C1QTNF7: variants seen among roughly 807,000 people sequenced by gnomAD.
C1QTNF7 encodes the protein C1q and TNF related 7.
C1QTNF7 carries 15 observed loss-of-function variants against 19.6 expected under a neutral mutation model. The observed-to-expected ratio is 0.76, with a 90% CI of 0.51 to 1.18. C1QTNF7 has a LOEUF of 1.18. Among genes scored for constraint, C1QTNF7 ranks in the 50% most tolerant of loss-of-function variants. The probability of loss-of-function intolerance (pLI) is 0.00; values close to 1 mark genes in which losing one functional copy is unlikely to be tolerated. For missense variants in C1QTNF7, 324 were observed against 359.7 expected, an observed-to-expected ratio of 0.90 and a Z score of 0.80; for synonymous variants, 142 against 137.5, an observed-to-expected ratio of 1.03 and a Z score of -0.23.
intron 1 of C1QTNF7, among the ~76,000 whole-genome samples, chr4:15,416,496 T>C (rs1719612239): frequency 6.6e-6 from 1 of 152,204 alleles, no homozygotes; most frequent in Non-Finnish European, 1.5e-5. Context: ...CTGACCATGC[T>C]GACACGTGCA....
chr4:15,382,189 C>T (rs568941299), intron 1 of C1QTNF7, among the ~76,000 whole-genome samples: 2 of 152,280 alleles, frequency 1.3e-5, no homozygotes, highest in African/African-American at 2.4e-5. Flanking sequence ...CTCATCTTAA[C>T]CCGTGAAGCC....
intron 1 of C1QTNF7, among the ~76,000 whole-genome samples, chr4:15,383,135 A>G (rs1002603971): frequency 6.6e-6 from 1 of 152,138 alleles, no homozygotes; most frequent in Non-Finnish European, 1.5e-5. Context: ...CTGTACCCAC[A>G]TGTACTCAGG....
chr4:15,352,611 G>T lies in C1QTNF7; in HGVS notation c.13+12404G>T, dbSNP rs17470482. On this transcript the variant is annotated intron_variant, in intron 1 of 2. Coordinates refer to the C1QTNF7 transcript ENST00000295297. ...TGCAGAAGGGCTTGAGCAAGGTTCA[G>T]ATTGTTTCACAGAGTGCTGGATGGG... Among the ~76,000 whole-genome samples the T allele has an allele frequency of 3.9e-5, 6 of 152,314 alleles. No individual in the cohort carries two copies. In the South Asian group the frequency reaches 1.2e-3, roughly 32 times the overall value.
At chr4:15,421,038 C>T (rs1424570851) in intron 1 of C1QTNF7, among the ~76,000 whole-genome samples, 8 of 151,504 alleles carry the variant, frequency 5.3e-5, no homozygotes, top group Non-Finnish European at 1.2e-4. Context: ...AGCTCTTGAC[C>T]CTGAACTTGG....
chr4:15,398,935 T>C (rs1718886322), intron 1 of C1QTNF7, among the ~76,000 whole-genome samples: 1 of 152,182 alleles, frequency 6.6e-6, no homozygotes. Context: ...GCCTCTCCCC[T>C]GATTCTTCCC....
chr4:15,417,804 C>G (rs965778218), intron 1 of C1QTNF7, among the ~76,000 whole-genome samples: 6 of 152,216 alleles, frequency 3.9e-5, no homozygotes, highest in Admixed American at 6.5e-5. Flanking sequence ...GTGCTGGCAT[C>G]TGCTTCTGGT....
intron 1 of C1QTNF7, among the ~76,000 whole-genome samples, chr4:15,346,468 C>T (rs1311451726): frequency 6.6e-6 from 1 of 152,200 alleles, no homozygotes; most frequent in East Asian, 1.9e-4. Context: ...ACCATATATA[C>T]TATGACAGTA....
At chr4:15,437,155 AC>A (rs1712570612) in intron 2 of C1QTNF7, among the ~76,000 whole-genome samples, 1 of 152,170 alleles carries the variant, frequency 6.6e-6, no homozygotes, top group South Asian at 2.1e-4. Context: ...TCCTATAATA[AC>A]ATCAGGATTA....
At chr4:15,344,693 C>T (rs1447907001) in intron 1 of C1QTNF7, among the ~76,000 whole-genome samples, 1 of 152,192 alleles carries the variant, frequency 6.6e-6, no homozygotes, top group Non-Finnish European at 1.5e-5. Flanking sequence ...TCTTTCATAT[C>T]AAGCAGGCAT....
At chr4:15,360,396 C>T (rs777420890) in intron 1 of C1QTNF7, among the ~76,000 whole-genome samples, 1 of 152,128 alleles carries the variant, frequency 6.6e-6, no homozygotes, top group African/African-American at 2.4e-5. Context: ...CCTTGTTTTA[C>T]GTATGCTTAC....
At chr4:15,427,036 C>G (rs1308079799), upstream of C1QTNF7, among the ~76,000 whole-genome samples, 1 of 152,122 alleles carries the variant, frequency 6.6e-6, no homozygotes, top group Non-Finnish European at 1.5e-5. Flanking sequence ...CCTATGATGG[C>G]ATTAAGATTT....
rs761781512 is a variant in C1QTNF7 at position 15,442,369 on chromosome 4, A to C, written c.440A>C (p.Lys147Thr). The C allele has an allele frequency of 6.2e-7, 1 of 1,614,164 alleles. No individual in the cohort carries two copies. Among genetic ancestry groups the C allele is most frequent in the Non-Finnish European group, 8.5e-7 (1 of 1,180,028 alleles). The change falls in exon 3 of 3, where the codon AAA becomes ACA. Residue 147 changes from lysine to threonine, a missense_variant. By Grantham distance (78) the Lys-to-Thr change is moderately conservative. Coordinates refer to ENST00000444304, the MANE Select transcript of C1QTNF7 (RefSeq NM_031911.5). ...GVCRCGSIVL[K>T]SAFSVGITTS... is the part of the protein sequence containing the mutation. ...TGCAGATGTGGAAGCATCGTGCTCAAATCCGCCTTTTCTGTTGGCATCACA... is the reference window on the plus strand; with the variant it reads ...TGCAGATGTGGAAGCATCGTGCTCACATCCGCCTTTTCTGTTGGCATCACA...
intron 1 of C1QTNF7, among the ~76,000 whole-genome samples, chr4:15,372,150 T>G (rs931705657): frequency 1.3e-5 from 2 of 152,208 alleles, no homozygotes. Flanking sequence ...CGTTCCCTTC[T>G]TTTACTTCCC....
chr4:15,395,301 T>C (rs1046985338), intron 1 of C1QTNF7, among the ~76,000 whole-genome samples: 1 of 152,096 alleles, frequency 6.6e-6, no homozygotes, highest in Non-Finnish European at 1.5e-5. Flanking sequence ...GTGTAAGAAT[T>C]CCATAAAAGA....
chr4:15,402,286 A>G (rs555689478), intron 1 of C1QTNF7, among the ~76,000 whole-genome samples: 12 of 152,350 alleles, frequency 7.9e-5, no homozygotes, highest in Admixed American at 7.2e-4. Context: ...AAGCTATGCT[A>G]TAACTATAAA....
At chr4:15,351,890 T>C (rs1716950970) in intron 1 of C1QTNF7, among the ~76,000 whole-genome samples, 1 of 152,180 alleles carries the variant, frequency 6.6e-6, no homozygotes, top group East Asian at 1.9e-4. Flanking sequence ...GAGTCTACAC[T>C]AATTGTCACT....
At chr4:15,360,931 A>G (rs1168324757) in intron 1 of C1QTNF7, among the ~76,000 whole-genome samples, 1 of 152,178 alleles carries the variant, frequency 6.6e-6, no homozygotes, top group South Asian at 2.1e-4. Context: ...CATGTTAGGT[A>G]GGTTTATATC....
At chr4:15,421,758 T>C (rs1711771491) in intron 1 of C1QTNF7, among the ~76,000 whole-genome samples, 1 of 152,170 alleles carries the variant, frequency 6.6e-6, no homozygotes, top group Non-Finnish European at 1.5e-5. Flanking sequence ...CCTACTTCGC[T>C]AAGTGGTCAG....
At chr4:15,388,892 TGA>T (rs1221551659) in intron 1 of C1QTNF7, among the ~76,000 whole-genome samples, 5 of 152,108 alleles carry the variant, frequency 3.3e-5, no homozygotes, top group African/African-American at 1.2e-4. Context: ...ACAGAGGACA[TGA>T]GATTCACCTC....
Sources: gnomAD v4.1 joint callset for allele counts (sites outside exome capture counted in the v4.1 genomes callset) on GRCh38, gnomAD v4.1.1 for gene constraint, MANE v1.5 for transcripts, NCBI Gene and HGNC (gene_info 2026-07-23, HGNC 2026-07-21) for gene names.